The following SMARCC1 variants were observed in gnomAD, a reference collection of about 807,000 sequenced individuals.
SMARCC1 encodes the protein SWI/SNF related BAF chromatin remodeling complex subunit C1.
In SMARCC1, 43 loss-of-function variants were observed where a neutral mutation model predicts 147.4. That is an observed-to-expected ratio of 0.29 (90% CI 0.23 to 0.38). SMARCC1 has a LOEUF of 0.38. Among genes scored for constraint, SMARCC1 ranks in the 10% least tolerant of loss-of-function variants. The pLI, the probability that SMARCC1 is intolerant of heterozygous loss-of-function variation, is 1.00. For missense variants in SMARCC1, 1,119 were observed against 1,381.1 expected (o/e 0.81, Z 3.01); for synonymous variants, 495 against 484.4 (o/e 1.02, Z -0.29).
At chr3:47,698,863 T>C (rs1226896037) in intron 11 of SMARCC1, among the ~76,000 whole-genome samples, 1 of 151,924 alleles carries the variant, frequency 6.6e-6, no homozygotes. Context: ...ATGGTTAGAA[T>C]AGAATACTGA....
chr3:47,776,329 C>CT (rs2034974503), intron 1 of SMARCC1, among the ~76,000 whole-genome samples: 1 of 151,994 alleles, frequency 6.6e-6, no homozygotes, highest in Non-Finnish European at 1.5e-5. Context: ...CGGCTGTGCA[C>CT]GGAGGATCAC....
In SMARCC1 at chr3:47,595,370, C is replaced by CA. The variant is rs1343723484; in HGVS notation, c.3044-4534dup. On this transcript the variant is annotated intron_variant, in intron 26 of 27. Transcript: ENST00000254480. ...TGAAACCCCATCTCTACTAAAAATA[C>CA]AAAAAAATTAGCGAGATGCGGTGGT... Among the ~76,000 whole-genome samples the CA allele has an allele frequency of 3.3e-5, 5 of 151,908 alleles. No homozygotes were observed. In the East Asian group the frequency reaches 9.7e-4, roughly 30 times the overall value.
At position 47,714,401 on chromosome 3, in the gene SMARCC1, G is replaced by C; in HGVS notation, c.792+14C>G. The C allele has an allele frequency of 6.7e-7, 1 of 1,489,580 alleles. No homozygotes were observed. The allele number at this position is 1,489,580 out of a possible 1,614,324, so 92.3% of individuals were successfully genotyped here. On this transcript the variant is annotated intron_variant, in intron 8 of 27. Transcript: ENST00000254480. ...AAAAGATTATTGTAAGATTTTTTTTGTTAAATCATTTACCTTCCATGGTTT... is the reference window on the plus strand; with the variant it reads ...AAAAGATTATTGTAAGATTTTTTTTCTTAAATCATTTACCTTCCATGGTTT...
chr3:47,772,660 G>A (rs2034928879), intron 2 of SMARCC1, among the ~76,000 whole-genome samples, 157 bp downstream of exon 2: 1 of 151,524 alleles, frequency 6.6e-6, no homozygotes, highest in Non-Finnish European at 1.5e-5. Context: ...GCTTCCTACA[G>A]TTAAAAAATA....
intron 3 of SMARCC1, among the ~76,000 whole-genome samples, chr3:47,740,850 C>CAAAAAAA (rs60339024): frequency 2.4e-4 from 19 of 77,750 alleles, no homozygotes; most frequent in East Asian, 7.8e-4. Flanking sequence ...GACTCTGACT[C>CAAAAAAA]AAAAAAAAAA....
chr3:47,723,571 TG>T (rs2034262475), intron 6 of SMARCC1, among the ~76,000 whole-genome samples: 1 of 151,974 alleles, frequency 6.6e-6, no homozygotes, highest in African/African-American at 2.4e-5. Flanking sequence ...CCCAGCACTT[TG>T]GGAGGTCAAG....
intron 3 of SMARCC1, among the ~76,000 whole-genome samples, chr3:47,740,255 G>A (rs2034494784): frequency 7.1e-6 from 1 of 140,392 alleles, no homozygotes. Context: ...GAGTGCAATG[G>A]GGCGATCTCA....
chr3:47,761,031 G>T (rs2034766813), intron 2 of SMARCC1, among the ~76,000 whole-genome samples: 1 of 152,066 alleles, frequency 6.6e-6, no homozygotes, highest in African/African-American at 2.4e-5. Context: ...TACTTGGGAG[G>T]CTAAGACAGG....
intron 16 of SMARCC1, 43 bp downstream of exon 16, chr3:47,678,155 A>T: frequency 8.5e-7 from 1 of 1,182,884 alleles, no homozygotes; most frequent in Non-Finnish European, 1.2e-6. Flanking sequence ...TGCATAAGTA[A>T]ATTCCTACAG....
chr3:47,709,768 A>G (rs1365537953), intron 9 of SMARCC1, among the ~76,000 whole-genome samples: 1 of 152,154 alleles, frequency 6.6e-6, no homozygotes, highest in Admixed American at 6.6e-5. Context: ...GCTATCACAA[A>G]CCCAATACTA....
At chr3:47,683,459 T>C (rs1424189245) in intron 14 of SMARCC1, among the ~76,000 whole-genome samples, 1 of 152,194 alleles carries the variant, frequency 6.6e-6, no homozygotes, top group Non-Finnish European at 1.5e-5. Context: ...TTTTAAATTG[T>C]CTCCAAAAAG....
chr3:47,778,336 T>A (rs951657225), intron 1 of SMARCC1, among the ~76,000 whole-genome samples: 16 of 151,994 alleles, frequency 1.1e-4, no homozygotes, highest in African/African-American at 3.9e-4. Context: ...TGAGACAAGG[T>A]CTCGCTCTGT....
intron 2 of SMARCC1, among the ~76,000 whole-genome samples, chr3:47,769,071 CAT>C (rs1249887660): frequency 6.6e-6 from 1 of 151,552 alleles, no homozygotes; most frequent in African/African-American, 2.4e-5. Context: ...ATAAGCCAGG[CAT>C]GGTGGCAGGC....
intron 18 of SMARCC1, among the ~76,000 whole-genome samples, chr3:47,671,183 A>AAAAAAAAAAAC (rs1171685313): frequency 1.5e-4 from 21 of 144,102 alleles, no homozygotes; most frequent in African/African-American, 4.7e-4. Flanking sequence ...CAAAAAAAAA[A>AAAAAAAAAAAC]AAAAAAAAAA....
chr3:47,618,657 G>A (rs761790900), intron 25 of SMARCC1, among the ~76,000 whole-genome samples: 1 of 152,032 alleles, frequency 6.6e-6, no homozygotes, highest in African/African-American at 2.4e-5. Context: ...GAAGAGGAGC[G>A]GTTATACACT....
chr3:47,682,294 C>CAAA (rs71070209), intron 14 of SMARCC1, among the ~76,000 whole-genome samples: 2 of 92,202 alleles, frequency 2.2e-5, no homozygotes, highest in Admixed American at 1.1e-4. Context: ...GACTCCGTTT[C>CAAA]AAAAAAAAAA....
chr3:47,779,416 A>T (rs1189651420), intron 1 of SMARCC1, among the ~76,000 whole-genome samples: 1 of 152,206 alleles, frequency 6.6e-6, no homozygotes, highest in Non-Finnish European at 1.5e-5. Context: ...CTTTGTGATA[A>T]TATTTTCACC....
intron 3 of SMARCC1, among the ~76,000 whole-genome samples, chr3:47,745,309 G>A (rs1019489040): frequency 1.3e-5 from 2 of 152,218 alleles, no homozygotes; most frequent in African/African-American, 4.8e-5. Flanking sequence ...CAAATATAAT[G>A]TATGAGTTCA....
In SMARCC1 at chr3:47,588,196, T is replaced by A; in HGVS notation, c.*13A>T. Reference sequence around the variant, plus strand: ...CATGGTGGTGGGCGTGGAGGTTCCCTGCATCTTCCAGGCTAAGGAGCAGCT... The same window carrying A: ...CATGGTGGTGGGCGTGGAGGTTCCCAGCATCTTCCAGGCTAAGGAGCAGCT... On this transcript the variant is annotated 3_prime_UTR_variant, in exon 28 of 28. Coordinates refer to ENST00000254480, the MANE Select transcript of SMARCC1 (RefSeq NM_003074.4). The A allele has an allele frequency of 6.2e-7, 1 of 1,605,088 alleles. No homozygotes were observed. The highest frequency in any genetic ancestry group is 1.1e-5 in the South Asian group (1 of 90,856).
Sources: allele counts gnomAD v4.1 joint callset (sites outside exome capture counted in the v4.1 genomes callset), GRCh38; gene constraint gnomAD v4.1.1; transcripts MANE v1.5; gene names NCBI Gene and HGNC (gene_info 2026-07-23, HGNC 2026-07-21).